Variants in VEPH1 observed in about 807,000 individuals in gnomAD.
VEPH1 encodes ventricular zone expressed PH domain containing 1.
A neutral mutation model predicts 85.2 loss-of-function variants in VEPH1; 80 were observed. That is an observed-to-expected ratio of 0.94 (90% confidence interval 0.78 to 1.13). The LOEUF (loss-of-function observed/expected upper bound fraction) is 1.13. Among genes scored for constraint, VEPH1 ranks in the 50% most tolerant of loss-of-function variants. VEPH1 has a pLI of 0.00. For synonymous variants in VEPH1, 297 were observed against 348.0 expected (o/e 0.85, Z 1.63); for missense variants, 955 against 980.5 (o/e 0.97, Z 0.35).
chr3:157,295,791 C>G (rs1718051594), intron 11 of VEPH1, among the ~76,000 whole-genome samples: 1 of 152,020 alleles, frequency 6.6e-6, no homozygotes, highest in Non-Finnish European at 1.5e-5. Flanking sequence ...CCCATCTCTA[C>G]TAAATATTTA....
chr3:157,473,183 C>T (rs1737137002), intron 2 of VEPH1, among the ~76,000 whole-genome samples: 1 of 150,454 alleles, frequency 6.6e-6, no homozygotes, highest in Admixed American at 6.7e-5. Context: ...AGCAATTCTC[C>T]TGCCTCAGCC....
At chr3:157,370,955 A>G (rs1408260107) in intron 7 of VEPH1, among the ~76,000 whole-genome samples, 1 of 152,224 alleles carries the variant, frequency 6.6e-6, no homozygotes, top group African/African-American at 2.4e-5. Context: ...ATATTACATC[A>G]TCAGATTGCT....
chr3:157,288,195 G>A lies in VEPH1; in HGVS notation c.2011-1521C>T, dbSNP rs145727629. On this transcript the variant is annotated intron_variant, in intron 11 of 13. Coordinates refer to ENST00000362010, the MANE Select transcript of VEPH1 (RefSeq NM_001167912.2). Reference sequence around the variant, plus strand: ...TTAAAAGGCTCCTCCTCCTAAGAGGGACTTAATGTTCTTATTGGCCTTGCA... The same window carrying A: ...TTAAAAGGCTCCTCCTCCTAAGAGGAACTTAATGTTCTTATTGGCCTTGCA... Among the ~76,000 whole-genome samples, 17 of 152,300 alleles carry A rather than the reference G, an allele frequency of 1.1e-4. No individual in the cohort carries two copies. In the East Asian group the frequency reaches 3.3e-3, roughly 29 times the overall value.
chr3:157,393,882 C>T (rs1355127661), intron 6 of VEPH1, among the ~76,000 whole-genome samples: 2 of 152,158 alleles, frequency 1.3e-5, no homozygotes, highest in Non-Finnish European at 2.9e-5. Context: ...TTTGTTACCT[C>T]CGGTTTTGTT....
At chr3:157,297,480 G>A (rs1383681173) in intron 11 of VEPH1, among the ~76,000 whole-genome samples, 1 of 152,136 alleles carries the variant, frequency 6.6e-6, no homozygotes, top group African/African-American at 2.4e-5. Context: ...AAATGTGCAT[G>A]GGTAATGGTG....
chr3:157,301,164 T>C (rs531703523), intron 11 of VEPH1, among the ~76,000 whole-genome samples: 1 of 152,322 alleles, frequency 6.6e-6, no homozygotes, highest in African/African-American at 2.4e-5. Context: ...GCTGTAAACA[T>C]AGCCGTGGTC....
intron 9 of VEPH1, among the ~76,000 whole-genome samples, chr3:157,352,537 A>G (rs2108720901): frequency 6.6e-6 from 1 of 152,352 alleles, no homozygotes; most frequent in East Asian, 1.9e-4. Flanking sequence ...AAACCTCACA[A>G]CTATGAACAA....
chr3:157,313,571 G>A, intron 11 of VEPH1, 50 bp downstream of exon 11: 1 of 1,578,798 alleles, frequency 6.3e-7, no homozygotes, highest in Non-Finnish European at 8.6e-7. Context: ...ACTGTTTCAA[G>A]ACAATCTTAA....
chr3:157,342,565 C>T (rs2108655410), intron 9 of VEPH1, among the ~76,000 whole-genome samples: 1 of 152,286 alleles, frequency 6.6e-6, no homozygotes, highest in Admixed American at 6.5e-5. Flanking sequence ...TAGACTCCCA[C>T]ACAATAATAA....
At chr3:157,434,289 G>T (rs1733387578) in intron 4 of VEPH1, among the ~76,000 whole-genome samples, 1 of 151,800 alleles carries the variant, frequency 6.6e-6, no homozygotes, top group Non-Finnish European at 1.5e-5. Flanking sequence ...TGTATAGCTG[G>T]ATTTTTAAAA....
chr3:157,498,296 A>C (rs1739835181), intron 1 of VEPH1, among the ~76,000 whole-genome samples: 1 of 152,122 alleles, frequency 6.6e-6, no homozygotes, highest in Non-Finnish European at 1.5e-5. Context: ...TTATTTGCAA[A>C]ATGGGGCTAA....
intron 9 of VEPH1, among the ~76,000 whole-genome samples, chr3:157,353,014 A>G (rs746827265): frequency 4.6e-5 from 7 of 152,138 alleles, no homozygotes; most frequent in Non-Finnish European, 7.4e-5. Flanking sequence ...AAGTGTGAGG[A>G]AGTGGTGACC....
chr3:157,486,516 GGT>G (rs1417710123), intron 2 of VEPH1, among the ~76,000 whole-genome samples: 2 of 150,658 alleles, frequency 1.3e-5, no homozygotes, highest in African/African-American at 4.9e-5. Context: ...AGCATAGTTT[GGT>G]GGCTAAGAAT....
intron 6 of VEPH1, among the ~76,000 whole-genome samples, chr3:157,399,095 C>T (rs954224035): frequency 1.3e-5 from 2 of 152,002 alleles, no homozygotes; most frequent in Admixed American, 1.3e-4. Context: ...TATCAAAAAT[C>T]TTAAACATGA....
At chr3:157,492,837 G>A (rs751106286) in intron 2 of VEPH1, among the ~76,000 whole-genome samples, 7 of 152,040 alleles carry the variant, frequency 4.6e-5, no homozygotes, top group African/African-American at 1.2e-4. Context: ...GATTAGAGGT[G>A]GCCCACTTAT....
chr3:157,474,702 A>G (rs1577747897), intron 2 of VEPH1, among the ~76,000 whole-genome samples: 2 of 152,292 alleles, frequency 1.3e-5, no homozygotes, highest in South Asian at 4.1e-4. Flanking sequence ...GCCCTGCCTT[A>G]GCAAATGAGT....
intron 2 of VEPH1, among the ~76,000 whole-genome samples, chr3:157,480,419 T>C (rs1737926632): frequency 6.6e-6 from 1 of 152,180 alleles, no homozygotes; most frequent in Non-Finnish European, 1.5e-5. Context: ...GTGAGTATAG[T>C]ACACAATAGG....
At chr3:157,359,337 G>C (rs1725787278) in intron 9 of VEPH1, among the ~76,000 whole-genome samples, 1 of 152,162 alleles carries the variant, frequency 6.6e-6, no homozygotes, top group Admixed American at 6.5e-5. Flanking sequence ...CATGAATTCA[G>C]TTCCTCCAGT....
chr3:157,400,514 A>T (rs1730720886), intron 6 of VEPH1, among the ~76,000 whole-genome samples: 1 of 152,166 alleles, frequency 6.6e-6, no homozygotes. Context: ...GAGGTAGCTT[A>T]ACTTTATGCT....
Sources: gnomAD v4.1 joint callset for allele counts (sites outside exome capture counted in the v4.1 genomes callset) on GRCh38, gnomAD v4.1.1 for gene constraint, MANE v1.5 for transcripts, NCBI Gene and HGNC (gene_info 2026-07-23, HGNC 2026-07-21) for gene names.